PRKX: variants seen among roughly 807,000 people sequenced by gnomAD.
PRKX encodes the protein protein kinase cAMP-dependent X-linked catalytic subunit.
A neutral mutation model predicts 22.0 loss-of-function variants in PRKX; 12 were observed. The observed-to-expected ratio is 0.54, with a 90% confidence interval of 0.35 to 0.88. The LOEUF (loss-of-function observed/expected upper bound fraction) is 0.88. Ranked by LOEUF, PRKX falls within the 40% of genes least tolerant of loss-of-function variation. The probability of loss-of-function intolerance (pLI) is 0.01; values close to 1 mark genes in which losing one functional copy is unlikely to be tolerated. For missense variants in PRKX, 217 were observed against 308.0 expected (o/e 0.70, Z 2.21); for synonymous variants, 134 against 137.7 (o/e 0.97, Z 0.19).
At chrX:3,708,866 T>C (rs1055392157) in intron 1 of PRKX, among the ~76,000 whole-genome samples, 1 of 99,692 alleles carries the variant, frequency 1.0e-5, no homozygotes, top group Non-Finnish European at 2.0e-5. Context: ...AAAAAAAAAG[T>C]GTCGAGCAAG....
At chrX:3,633,704 G>A (rs1452842693) in intron 4 of PRKX, among the ~76,000 whole-genome samples, 3 of 111,571 alleles carry the variant, frequency 2.7e-5, no homozygotes, top group East Asian at 2.8e-4. Context: ...TACCCTGGGC[G>A]CTGTGAGCTG....
At chrX:3,653,274 A>G (rs764170015) in intron 3 of PRKX, among the ~76,000 whole-genome samples, 1 of 110,287 alleles carries the variant, frequency 9.1e-6, no homozygotes, top group East Asian at 2.9e-4. Context: ...CCATGTGAGG[A>G]CACAGCGAGA....
intron 3 of PRKX, among the ~76,000 whole-genome samples, chrX:3,646,817 G>A (rs548912535): frequency 9.0e-6 from 1 of 110,914 alleles, no homozygotes; most frequent in Non-Finnish European, 1.9e-5. Flanking sequence ...GACAGCTTCC[G>A]ATGGCCAGCC....
intron 5 of PRKX, among the ~76,000 whole-genome samples, chrX:3,624,230 T>C (rs192242318): frequency 1.3e-3 from 143 of 111,516 alleles, no homozygotes; most frequent in African/African-American, 3.9e-3. Context: ...ATATGAGTCA[T>C]TGAGGTCTTG....
chrX:3,641,237 G>T (rs765901637), intron 4 of PRKX, among the ~76,000 whole-genome samples: 1 of 111,202 alleles, frequency 9.0e-6, no homozygotes, highest in Non-Finnish European at 1.9e-5. Flanking sequence ...TGGGGTGTGG[G>T]TCGGGACCCC....
intron 2 of PRKX, among the ~76,000 whole-genome samples, chrX:3,659,293 G>T (rs1927542100): frequency 9.0e-6 from 1 of 110,764 alleles, no homozygotes; most frequent in Non-Finnish European, 1.9e-5. Flanking sequence ...ATGCTACTGT[G>T]AATTTTAAAT....
chrX:3,686,809 C>G lies in PRKX; in HGVS notation c.167-12043G>C, dbSNP rs185608051. On this transcript the variant is annotated intron_variant, in intron 1 of 8. Coordinates refer to ENST00000262848, the MANE Select transcript of PRKX (RefSeq NM_005044.5). ...CTGACCTCAGGTGATCCGCCCACCT[C>G]GCCTCCCAAAGTGCTGGGATCACAG... Among the ~76,000 whole-genome samples, 6 of 111,455 alleles carry G rather than the reference C, an allele frequency of 5.4e-5. No individual in the cohort carries two copies. The East Asian group carries it at 1.7e-3, about 31-fold the overall frequency.
intron 4 of PRKX, among the ~76,000 whole-genome samples, chrX:3,636,757 G>A (rs1926895253): frequency 9.0e-6 from 1 of 111,602 alleles, no homozygotes; most frequent in Non-Finnish European, 1.9e-5. Flanking sequence ...CTACTCAGGA[G>A]GCTGAGGAAG....
chrX:3,632,350 G>A lies in PRKX; in HGVS notation c.720-5836C>T, dbSNP rs184239594. On this transcript the variant is annotated intron_variant, in intron 4 of 8. Coordinates refer to ENST00000262848, the MANE Select transcript of PRKX (RefSeq NM_005044.5). ...TCATGCGATCTGCGCCAACCCTGCC[G>A]CCTCAGACGTTAACAACCTCCCGAG... 6.5e-3 allele frequency among the ~76,000 whole-genome samples: 721 copies of A among 110,954 alleles called. 18 individuals are homozygous for A. Among genetic ancestry groups the A allele is most frequent in the Admixed American group, 0.054 (555 of 10,360 alleles).
intron 1 of PRKX, among the ~76,000 whole-genome samples, chrX:3,697,044 CAG>C (rs1197267333): frequency 3.8e-5 from 3 of 79,419 alleles, no homozygotes; most frequent in African/African-American, 1.8e-4. Context: ...AACAAACAAA[CAG>C]ACAAACAAAC....
intron 6 of PRKX, among the ~76,000 whole-genome samples, chrX:3,618,714 G>T (rs904523604): frequency 9.0e-6 from 1 of 111,585 alleles, no homozygotes; most frequent in Non-Finnish European, 1.9e-5. Context: ...GACCTAGCTT[G>T]GGAGTTTGTG....
chrX:3,670,613 T>A (rs1473627401), intron 2 of PRKX, among the ~76,000 whole-genome samples: 1 of 110,637 alleles, frequency 9.0e-6, no homozygotes, highest in Non-Finnish European at 1.9e-5. Flanking sequence ...TGGCACAATC[T>A]CGGCTCACTG....
intron 4 of PRKX, among the ~76,000 whole-genome samples, chrX:3,634,543 T>A (rs777681765): frequency 9.0e-6 from 1 of 111,035 alleles, no homozygotes; most frequent in African/African-American, 3.3e-5. Context: ...AGAATAGTGA[T>A]GAATTTTCTC....
At position 3,604,458 on chromosome X, in the gene PRKX, A is replaced by G. The variant is rs193072520; in HGVS notation, c.*4511T>C. 3.5e-5 allele frequency: 4 copies of G among 112,832 alleles called. No individual in the cohort carries two copies. The East Asian group carries it at 1.1e-3, about 32-fold the overall frequency. The allele number at this position is 112,832 out of a possible 1,213,427, so 9.3% of individuals were successfully genotyped here. ...GACAGCAGTAAAATTTTCCTAGGGC[A>G]TATGTACAAATCACAGTGATTTCCA... On this transcript the variant is annotated 3_prime_UTR_variant, in exon 9 of 9. Transcript: ENST00000262848.
intron 5 of PRKX, among the ~76,000 whole-genome samples, chrX:3,622,501 CTG>C (rs1169513946): frequency 1.8e-5 from 2 of 111,109 alleles, no homozygotes; most frequent in African/African-American, 6.5e-5. Context: ...CTGTGACAGA[CTG>C]TGGAGTCTCC....
chrX:3,653,669 G>A lies in PRKX; in HGVS notation c.599+1480C>T, dbSNP rs113633779. On this transcript the variant is annotated intron_variant, in intron 3 of 8. Coordinates refer to ENST00000262848, the MANE Select transcript of PRKX (RefSeq NM_005044.5). ...ATATATTATATATAATATACTATGT[G>A]ATATATATAATATATATAATATACT... 2.7e-3 allele frequency among the ~76,000 whole-genome samples: 172 copies of A among 62,765 alleles called. 3 individuals are homozygous for A. The highest frequency in any genetic ancestry group is 0.01 in the African/African-American group (165 of 15,981). The allele number at this position is 62,765 out of a possible 115,157, so 54.5% of individuals were successfully genotyped here.
chrX:3,609,617 G>GCTAA (rs913379182), intron 8 of PRKX, among the ~76,000 whole-genome samples: 1 of 108,451 alleles, frequency 9.2e-6, no homozygotes, highest in Admixed American at 9.9e-5. Flanking sequence ...ACTACGCCTG[G>GCTAA]CTAACTTTTT....
rs56411206 is a variant in PRKX at position 3,662,998 on chromosome X, T to TAAAA, written c.336-7590_336-7587dup. On this transcript the variant is annotated intron_variant, in intron 2 of 8. Coordinates refer to ENST00000262848, the MANE Select transcript of PRKX (RefSeq NM_005044.5). Reference sequence around the variant, plus strand: ...GGGCAACAGAGAAAGGCCCTGTCTTTAAAAAAAAAAAAAAAAAAAAAATTA... The same window carrying TAAAA: ...GGGCAACAGAGAAAGGCCCTGTCTTTAAAAAAAAAAAAAAAAAAAAAAAAAATTA... 6.2e-3 allele frequency among the ~76,000 whole-genome samples: 487 copies of TAAAA among 78,409 alleles called. 6 individuals are homozygous for TAAAA. The highest frequency in any genetic ancestry group is 0.036 in the East Asian group (93 of 2,581). The allele number at this position is 78,409 out of a possible 115,157, so 68.1% of individuals were successfully genotyped here.
intron 5 of PRKX, among the ~76,000 whole-genome samples, chrX:3,623,426 C>T (rs1158809039): frequency 9.1e-6 from 1 of 110,220 alleles, no homozygotes; most frequent in Non-Finnish European, 1.9e-5. Flanking sequence ...CATGGTGGTG[C>T]ATGCCTGTAG....
Sources: allele counts gnomAD v4.1 joint callset (sites outside exome capture counted in the v4.1 genomes callset), GRCh38; gene constraint gnomAD v4.1.1; transcripts MANE v1.5; gene names NCBI Gene and HGNC (gene_info 2026-07-23, HGNC 2026-07-21).